Variants in PANX2 observed in about 807,000 individuals in gnomAD.
The protein encoded by PANX2 is pannexin 2.
In PANX2, 30 loss-of-function variants were observed where a neutral mutation model predicts 38.7. The observed-to-expected ratio is 0.78, with a 90% confidence interval of 0.58 to 1.05. The LOEUF (loss-of-function observed/expected upper bound fraction) is 1.05. Among genes scored for constraint, PANX2 ranks in the 50% least tolerant of loss-of-function variants. PANX2 has a pLI of 0.00. For missense variants in PANX2, 880 were observed against 979.3 expected, an observed-to-expected ratio of 0.90 and a Z score of 1.35; for synonymous variants, 539 against 472.1, an observed-to-expected ratio of 1.14 and a Z score of -1.84.
At position 50,177,660 on chromosome 22, in the gene PANX2, C is replaced by G. The variant is rs766092238; in HGVS notation, c.948C>G (p.Arg316=). The G allele has an allele frequency of 1.2e-6, 2 of 1,612,682 alleles. No homozygotes were observed. Among genetic ancestry groups the G allele is most frequent in the South Asian group, 2.2e-5 (2 of 91,088 alleles). ...LVNLIHLFIF[R]KSNFIFDKLH... is the part of the protein sequence containing the mutation. Reference sequence around the variant, plus strand: ...ACCTCATCCACCTCTTCATCTTCCGCAAGAGCAACTTCATCTTCGACAAGC... The same window carrying G: ...ACCTCATCCACCTCTTCATCTTCCGGAAGAGCAACTTCATCTTCGACAAGC... Residue 316 remains arginine (R), a synonymous_variant, in exon 2 of 3, where the codon CGC becomes CGG. Coordinates refer to ENST00000395842, the MANE Select transcript of PANX2 (RefSeq NM_052839.4).
intron 1 of PANX2, among the ~76,000 whole-genome samples, chr22:50,173,110 A>T (rs1295258885): frequency 1.3e-5 from 2 of 148,560 alleles, no homozygotes; most frequent in South Asian, 2.1e-4. Flanking sequence ...GTTGGCCAGG[A>T]TGGTCTCGAT....
In PANX2 at chr22:50,179,265, T is replaced by C. The variant is rs1232797558; in HGVS notation, c.2022T>C (p.Thr674=). 8 of 1,612,330 alleles carry C rather than the reference T, an allele frequency of 5.0e-6. No homozygotes were observed. In the South Asian group the frequency reaches 8.8e-5, roughly 18 times the overall value. ...TFDEPRTVVS[T]VEF ...ACGAGCCGAGAACGGTCGTGAGTAC[T>C]GTGGAGTTTTGAGGGATGGCACCGT... is the stretch of plus-strand genomic sequence containing the variant. Residue 674 remains threonine, a synonymous_variant, in exon 3 of 3, where the codon ACT becomes ACC. Transcript: ENST00000395842.
chr22:50,174,245 T>A (rs2063650364), intron 1 of PANX2, among the ~76,000 whole-genome samples: 1 of 151,972 alleles, frequency 6.6e-6, no homozygotes, highest in Non-Finnish European at 1.5e-5. Flanking sequence ...GGGACCCAGC[T>A]TCACCCTTGG....
Position 50,177,619 on chromosome 22 carries a change from C to G in PANX2, c.907C>G (p.Leu303Val). Residue 303 changes from leucine to valine, a missense_variant, in exon 2 of 3, where the codon CTC becomes GTC. Transcript: ENST00000395842. ...VDIVLLCVMN[L>V]IILVNLIHLF... is the part of the protein sequence containing the mutation. ...CATCGTGCTGCTGTGCGTCATGAAC[C>G]TCATCATCCTCGTCAACCTCATCCA... The G allele has an allele frequency of 6.2e-7, 1 of 1,612,976 alleles. No homozygotes were observed. Among genetic ancestry groups the G allele is most frequent in the Non-Finnish European group, 8.5e-7 (1 of 1,179,996 alleles).
intron 1 of PANX2, among the ~76,000 whole-genome samples, chr22:50,172,960 G>A (rs1387547049): frequency 6.1e-5 from 9 of 147,796 alleles, no homozygotes; most frequent in Admixed American, 1.4e-4. Flanking sequence ...ATAGTGGCGC[G>A]ATCTCTGCTC....
rs2063669718 is a variant in PANX2 at position 50,177,553 on chromosome 22, C to T, written c.841C>T (p.Leu281Phe). Residue 281 changes from leucine to phenylalanine, a missense_variant, in exon 2 of 3, where the codon CTC becomes TTC. By Grantham distance (22) the Leu-to-Phe change is conservative. This residue lies in a region of PANX2 where 114 missense variants were observed against 108.8 expected (regional missense o/e 1.05). Transcript: ENST00000395842. ...GCCCGCGGTGCGCGTGAGCTGCAAGCTCCCGTCCGTGCAACTGCAGCGCAT... is the reference window on the plus strand; with the variant it reads ...GCCCGCGGTGCGCGTGAGCTGCAAGTTCCCGTCCGTGCAACTGCAGCGCAT... ...AGPAVRVSCKLPSVQLQRIIA... is the reference protein window; with the variant it reads ...AGPAVRVSCKFPSVQLQRIIA... The T allele has an allele frequency of 6.2e-7, 1 of 1,612,074 alleles. No individual in the cohort carries two copies. Among genetic ancestry groups the T allele is most frequent in the Non-Finnish European group, 8.5e-7 (1 of 1,179,726 alleles).
Position 50,178,203 on chromosome 22 carries a change from T to TCC in PANX2, c.1491_1492insCC (p.Ala498ProfsTer59), listed in dbSNP as rs1569068845. On this transcript the variant is annotated frameshift_variant, in exon 2 of 3. Coordinates refer to ENST00000395842, the MANE Select transcript of PANX2 (RefSeq NM_052839.4). LOFTEE classifies it high-confidence loss of function. ...GCGACCCGGGCCCCGGCCCCGCCCC[T>TCC]GCCCCCGCCCCGCCGCCCGCCCCTG... 1.3e-5 allele frequency: 11 copies of TCC among 845,958 alleles called. No individual in the cohort carries two copies. Among genetic ancestry groups the TCC allele is most frequent in the South Asian group, 4.4e-5 (2 of 45,268 alleles). The allele number at this position is 845,958 out of a possible 1,614,324, so 52.4% of individuals were successfully genotyped here.
chr22:50,176,788 G>T lies in PANX2; in HGVS notation c.227-151G>T, dbSNP rs2063663399. ...CACCGTGGTGGGGGGAGGGGGTGGG[G>T]TTCATCTGGGCAACCGCAGGTGCTG... On this transcript the variant is annotated intron_variant, in intron 1 of 2. Coordinates refer to ENST00000395842, the MANE Select transcript of PANX2 (RefSeq NM_052839.4). 3.7e-6 allele frequency: 3 copies of T among 813,030 alleles called. No individual in the cohort carries two copies. In the East Asian group the frequency reaches 8.7e-5, roughly 24 times the overall value. The allele number at this position is 813,030 out of a possible 1,614,324, so 50.4% of individuals were successfully genotyped here.
Position 50,178,119 on chromosome 22 carries a change from G to A in PANX2, c.1407G>A (p.Thr469=), listed in dbSNP as rs1367803006. 1 of 1,540,776 alleles carries A rather than the reference G, an allele frequency of 6.5e-7. No individual in the cohort carries two copies. Among genetic ancestry groups the A allele is most frequent in the Non-Finnish European group, 8.7e-7 (1 of 1,152,350 alleles). ...AGCCCGCGCGCAGGAAGACGGCCAC[G>A]GACACGCTGATCGCGCCGCTGCTGG... ...KPKPARRKTA[T]DTLIAPLLDR... is the part of the protein sequence containing the mutation. The change falls in exon 2 of 3, where the codon ACG becomes ACA. Residue 469 remains threonine (T), a synonymous_variant. Transcript: ENST00000395842.
Position 50,178,636 on chromosome 22 carries a change from G to C in PANX2, c.1690+234G>C, listed in dbSNP as rs112559575. Among the ~76,000 whole-genome samples, 20 of 152,368 alleles carry C rather than the reference G, an allele frequency of 1.3e-4. 1 individual carries two copies. The highest frequency in any genetic ancestry group is 3.9e-4 in the East Asian group (2 of 5,184). Reference sequence around the variant, plus strand: ...GCCCTGGAGACCCCCCCGGGAGGCAGGTGGGGAAGATGCAGGCTGGAAGCG... The same window carrying C: ...GCCCTGGAGACCCCCCCGGGAGGCACGTGGGGAAGATGCAGGCTGGAAGCG... On this transcript the variant is annotated intron_variant, in intron 2 of 2. Transcript: ENST00000395842.
Position 50,177,121 on chromosome 22 carries a change from G to C in PANX2, c.409G>C (p.Val137Leu). ...ALLAFAAIMY[V>L]PALGWEFLAS... ...GCTGGCCTTCGCCGCCATCATGTAC[G>C]TGCCCGCGCTGGGCTGGGAGTTCCT... Residue 137 changes from valine to leucine, a missense_variant, in exon 2 of 3, where the codon GTG (valine) becomes CTG (leucine). Val to Leu is a conservative substitution (Grantham distance 32). Around this residue, in one of 4 missense-constraint regions of PANX2, gnomAD observed 243 missense variants for 333.1 expected, o/e 0.73. Transcript: ENST00000395842. 6.2e-7 allele frequency: 1 copy of C among 1,609,148 alleles called. No individual in the cohort carries two copies. The highest frequency in any genetic ancestry group is 8.5e-7 in the Non-Finnish European group (1 of 1,178,172).
At chr22:50,175,561 C>T (rs2063657023) in intron 1 of PANX2, 2 of 706,996 alleles carry the variant, frequency 2.8e-6, no homozygotes, top group Non-Finnish European at 4.2e-6. Context: ...CTGAGCCCAG[C>T]TCATCTCCAG....
At position 50,177,195 on chromosome 22, in the gene PANX2, C is replaced by T. The variant is rs757547764; in HGVS notation, c.483C>T (p.Ile161=). The change falls in exon 2 of 3, where the codon ATC becomes ATT. Residue 161 remains isoleucine (I), a synonymous_variant. Transcript: ENST00000395842. ...TSELNFLLQE[I]DNCYHRAAEG... is the part of the protein sequence containing the mutation. ...AGCTCAACTTCCTGCTGCAGGAGATCGACAACTGTTACCACCGGGCGGCCG... is the reference window on the plus strand; with the variant it reads ...AGCTCAACTTCCTGCTGCAGGAGATTGACAACTGTTACCACCGGGCGGCCG... The T allele has an allele frequency of 2.5e-6, 4 of 1,610,252 alleles. No homozygotes were observed. Among genetic ancestry groups the T allele is most frequent in the Non-Finnish European group, 2.5e-6 (3 of 1,178,776 alleles).
Position 50,179,036 on chromosome 22 carries a change from C to T in PANX2, c.1793C>T (p.Pro598Leu). Residue 598 changes from proline to leucine, a missense_variant, in exon 3 of 3, where the codon CCT (proline) becomes CTT (leucine). Around this residue, in one of 4 missense-constraint regions of PANX2, gnomAD observed 445 missense variants for 404.3 expected, o/e 1.10. Coordinates refer to ENST00000395842, the MANE Select transcript of PANX2 (RefSeq NM_052839.4). ...PFHVRSPPAAPAVAPLTPASL... is the reference protein window; with the variant it reads ...PFHVRSPPAALAVAPLTPASL... ...CACGTCCGCTCACCTCCCGCCGCCC[C>T]TGCTGTGGCCCCTCTGACACCAGCC... 6.2e-7 allele frequency: 1 copy of T among 1,611,016 alleles called. No individual in the cohort carries two copies. Among genetic ancestry groups the T allele is most frequent in the Non-Finnish European group, 8.5e-7 (1 of 1,179,208 alleles).
intron 1 of PANX2, among the ~76,000 whole-genome samples, chr22:50,174,105 G>A (rs945290563): frequency 5.3e-5 from 8 of 152,204 alleles, no homozygotes; most frequent in Non-Finnish European, 8.8e-5. Context: ...TCCAGGATGT[G>A]GCAGTGGTCT....
At chr22:50,173,470 G>A (rs1486463304) in intron 1 of PANX2, among the ~76,000 whole-genome samples, 3 of 152,286 alleles carry the variant, frequency 2.0e-5, no homozygotes, top group South Asian at 2.1e-4. Flanking sequence ...GCAGGGCAGG[G>A]TTGGGCCTGA....
At position 50,179,447 on chromosome 22, in the gene PANX2, A is replaced by G; in HGVS notation, c.*170A>G. The G allele has an allele frequency of 1.6e-6, 1 of 639,594 alleles. No individual in the cohort carries two copies. Among genetic ancestry groups the G allele is most frequent in the Non-Finnish European group, 2.6e-6 (1 of 377,826 alleles). 39.6% of individuals were successfully genotyped at this position (639,594 alleles called of 1,614,324 possible). On this transcript the variant is annotated 3_prime_UTR_variant, in exon 3 of 3. Transcript: ENST00000395842. ...GGGCCTTCGCCCCCACGTGCTCGAC[A>G]GGGGAACCCGCCCGGACGGCATCGC...
intron 1 of PANX2, among the ~76,000 whole-genome samples, chr22:50,176,210 C>T (rs2063660392): frequency 6.6e-6 from 1 of 152,284 alleles, no homozygotes; most frequent in Admixed American, 6.5e-5. Flanking sequence ...GTCATTGTCA[C>T]CTGCAGGCAG....
In PANX2 at chr22:50,177,306, C is replaced by G; in HGVS notation, c.594C>G (p.Asn198Lys). ...TEREKREIIE[N>K]AEKEKSPEQN... The stretch of plus-strand genomic sequence containing the variant: ...GCGAGAAGCGCGAGATCATCGAGAA[C>G]GCGGAGAAGGAGAAGAGCCCGGAGC... Residue 198 changes from asparagine to lysine, a missense_variant, in exon 2 of 3, where the codon AAC (asparagine) becomes AAG (lysine). Physicochemically the swap from Asn to Lys is moderately conservative, Grantham distance 94. Around this residue, in one of 4 missense-constraint regions of PANX2, gnomAD observed 243 missense variants for 333.1 expected, o/e 0.73. Transcript: ENST00000395842. The G allele has an allele frequency of 2.5e-6, 4 of 1,611,722 alleles. No individual in the cohort carries two copies. The highest frequency in any genetic ancestry group is 3.4e-6 in the Non-Finnish European group (4 of 1,179,526).
Sources: allele counts gnomAD v4.1 joint callset (sites outside exome capture counted in the v4.1 genomes callset), GRCh38; gene constraint gnomAD v4.1.1; regional missense constraint gnomAD v4.1.1; transcripts MANE v1.5; gene names NCBI Gene and HGNC (gene_info 2026-07-23, HGNC 2026-07-21).